Variants in HTR2C observed in about 807,000 individuals in gnomAD.
HTR2C encodes the protein 5-hydroxytryptamine (serotonin) receptor 2C, G protein-coupled.
In HTR2C, 5 loss-of-function variants were observed where a neutral mutation model predicts 21.0. That is an observed-to-expected ratio of 0.24 (90% CI 0.12 to 0.50). HTR2C has a LOEUF of 0.50. HTR2C is among the 20% of genes least tolerant of loss of function. The pLI, the probability that HTR2C is intolerant of heterozygous loss-of-function variation, is 0.98. For synonymous variants in HTR2C, 150 were observed against 145.3 expected, an observed-to-expected ratio of 1.03 and a Z score of -0.23; for missense variants, 271 against 371.2, an observed-to-expected ratio of 0.73 and a Z score of 2.22.
At chrX:114,747,473 C>T (rs782486672) in intron 4 of HTR2C, among the ~76,000 whole-genome samples, 61 of 112,174 alleles carry the variant, frequency 5.4e-4, no homozygotes, top group African/African-American at 2.0e-3. Context: ...ATTGTCTACA[C>T]AGAAAATCCC....
rs908711490 is a variant in HTR2C at position 114,788,977 on chromosome X, A to G, written c.349+57370A>G. Among the ~76,000 whole-genome samples, 3 of 111,761 alleles carry G rather than the reference A, an allele frequency of 2.7e-5. No individual in the cohort carries two copies. In the Admixed American group the frequency reaches 2.9e-4, roughly 11 times the overall value. On this transcript the variant is annotated intron_variant, in intron 4 of 5. Transcript: ENST00000276198. ...TATTTTTGGAAAATATTGTCAATATATCTCATATTCAAATTTTCATCTTCC... is the reference window on the plus strand; with the variant it reads ...TATTTTTGGAAAATATTGTCAATATGTCTCATATTCAAATTTTCATCTTCC...
intron 4 of HTR2C, among the ~76,000 whole-genome samples, chrX:114,830,067 T>A (rs186712423): frequency 2.0e-4 from 22 of 111,975 alleles, no homozygotes; most frequent in Non-Finnish European, 1.9e-4. Flanking sequence ...CTTTGAAAAG[T>A]ATTGCCATTT....
intron 1 of HTR2C, among the ~76,000 whole-genome samples, chrX:114,593,034 G>A (rs1927694169): frequency 8.9e-6 from 1 of 111,913 alleles, no homozygotes; most frequent in Admixed American, 9.5e-5. Context: ...TTTGATTGGA[G>A]GGGGTGAGGA....
chrX:114,656,051 T>C (rs1307596508), intron 2 of HTR2C, among the ~76,000 whole-genome samples: 13 of 111,036 alleles, frequency 1.2e-4, no homozygotes, highest in African/African-American at 4.2e-4. Context: ...CAATAGTTTG[T>C]TCTTTTCTTT....
rs1311194668 is a variant in HTR2C, at chrX:114,761,894, TATATACATATATGTGTATATATAC to T, written c.349+30288_349+30311del. On this transcript the variant is annotated intron_variant, in intron 4 of 5. Coordinates refer to ENST00000276198, the MANE Select transcript of HTR2C (RefSeq NM_000868.4). ...CTCTCTATATATATATATATGTGTA[TATATACATATATGTGTATATATAC>T]GTGTATATATACATATATGTGTATA... Among the ~76,000 whole-genome samples, 500 of 107,720 alleles carry T rather than the reference TATATACATATATGTGTATATATAC, an allele frequency of 4.6e-3. 14 individuals carry two copies. Among genetic ancestry groups the T allele is most frequent in the African/African-American group, 0.017 (473 of 27,692 alleles). 93.5% of individuals were successfully genotyped at this position (107,720 alleles called of 115,157 possible).
chrX:114,661,412 A>AT (rs1930984707), intron 2 of HTR2C, among the ~76,000 whole-genome samples: 30 of 53,909 alleles, frequency 5.6e-4, no homozygotes, highest in African/African-American at 1.9e-3. Flanking sequence ...TTGTAAAAAA[A>AT]AAAACTATAA....
At chrX:114,697,798 G>A (rs1040556219) in intron 2 of HTR2C, among the ~76,000 whole-genome samples, 1 of 112,021 alleles carries the variant, frequency 8.9e-6, no homozygotes, top group Admixed American at 9.5e-5. Context: ...TTCTACTGCT[G>A]TGTAACAAAT....
chrX:114,781,194 T>A (rs2070113577), intron 4 of HTR2C, among the ~76,000 whole-genome samples: 1 of 111,032 alleles, frequency 9.0e-6, no homozygotes, highest in African/African-American at 3.3e-5. Flanking sequence ...GGTTAAGAAA[T>A]ATGTAACATA....
chrX:114,599,266 G>A (rs1371095050), intron 1 of HTR2C, among the ~76,000 whole-genome samples: 1 of 111,846 alleles, frequency 8.9e-6, no homozygotes, highest in Non-Finnish European at 1.9e-5. Context: ...GTTTCACAAT[G>A]AGAGAGAAAC....
At chrX:114,888,491 T>C (rs942940259) in intron 5 of HTR2C, among the ~76,000 whole-genome samples, 30 of 111,978 alleles carry the variant, frequency 2.7e-4, no homozygotes, top group African/African-American at 9.4e-4. Flanking sequence ...GGTAGTAGGA[T>C]GAAAAATGCT....
chrX:114,745,831 G>A (rs1556425988), intron 4 of HTR2C, among the ~76,000 whole-genome samples: 1 of 111,531 alleles, frequency 9.0e-6, no homozygotes, highest in Non-Finnish European at 1.9e-5. Context: ...GGGATGGGTG[G>A]TAGTGGGAAA....
At chrX:114,805,339 A>T (rs2070390982) in intron 4 of HTR2C, among the ~76,000 whole-genome samples, 1 of 105,959 alleles carries the variant, frequency 9.4e-6, no homozygotes, top group Non-Finnish European at 1.9e-5. Flanking sequence ...ACCAGAACTG[A>T]GGCCCTTCTC....
At chrX:114,675,240 G>A (rs1556412332) in intron 2 of HTR2C, among the ~76,000 whole-genome samples, 1 of 111,808 alleles carries the variant, frequency 8.9e-6, no homozygotes. Context: ...GCATATGGTA[G>A]AAGTGCAAAA....
intron 5 of HTR2C, among the ~76,000 whole-genome samples, chrX:114,898,145 C>A (rs1164136669): frequency 8.9e-6 from 1 of 112,800 alleles, no homozygotes; most frequent in Non-Finnish European, 1.9e-5. Context: ...ATTTGCATTT[C>A]TCTAATAATC....
At chrX:114,692,043 C>T (rs781861390) in intron 2 of HTR2C, among the ~76,000 whole-genome samples, 2 of 111,680 alleles carry the variant, frequency 1.8e-5, no homozygotes, top group South Asian at 3.6e-4. Context: ...GGAGAAGTGA[C>T]TATCAATTTT....
At chrX:114,680,148 A>C (rs888083317) in intron 2 of HTR2C, among the ~76,000 whole-genome samples, 38 of 112,335 alleles carry the variant, frequency 3.4e-4, no homozygotes, top group African/African-American at 1.2e-3. Flanking sequence ...CAGGTCCTAA[A>C]GCCACTTCTA....
intron 5 of HTR2C, among the ~76,000 whole-genome samples, chrX:114,864,163 T>C (rs1556473858): frequency 9.4e-6 from 1 of 105,941 alleles, no homozygotes; most frequent in Non-Finnish European, 2.0e-5. Context: ...GACTTGCTAC[T>C]GCCATTTTCT....
intron 2 of HTR2C, among the ~76,000 whole-genome samples, chrX:114,646,827 G>A (rs1930378670): frequency 8.9e-6 from 1 of 111,999 alleles, no homozygotes; most frequent in African/African-American, 3.2e-5. Flanking sequence ...CCTTTAAGTT[G>A]ATTTTTGTAT....
At chrX:114,701,571 T>C (rs1932503599) in intron 2 of HTR2C, among the ~76,000 whole-genome samples, 1 of 110,583 alleles carries the variant, frequency 9.0e-6, no homozygotes, top group Non-Finnish European at 1.9e-5. Flanking sequence ...TACATCACCA[T>C]CATCAAAGAC....
Sources: gnomAD v4.1 joint callset for allele counts (sites outside exome capture counted in the v4.1 genomes callset) on GRCh38, gnomAD v4.1.1 for gene constraint, MANE v1.5 for transcripts, NCBI Gene and HGNC (gene_info 2026-07-23, HGNC 2026-07-21) for gene names.